The following MAP3K1 variants were observed in gnomAD, a reference collection of about 807,000 sequenced individuals.
MAP3K1 encodes MAP/ERK kinase kinase 1.
Under a neutral mutation model 144.2 loss-of-function variants are expected in MAP3K1, and 36 were observed. The observed-to-expected ratio is 0.25, with a 90% CI of 0.19 to 0.33. The LOEUF (loss-of-function observed/expected upper bound fraction) is 0.33. MAP3K1 is among the 10% of genes least tolerant of loss of function. MAP3K1 has a pLI of 1.00. For missense variants in MAP3K1, 1,650 were observed against 1,881.9 expected (o/e 0.88, Z 2.28); for synonymous variants, 718 against 688.7 (o/e 1.04, Z -0.67).
intron 1 of MAP3K1, among the ~76,000 whole-genome samples, chr5:56,851,163 C>G (rs1424800294): frequency 6.6e-6 from 1 of 152,166 alleles, no homozygotes; most frequent in Admixed American, 6.5e-5. Flanking sequence ...TCAGGCTGGT[C>G]TCGAACTCCC....
intron 3 of MAP3K1, chr5:56,862,086 TGGGCAGGGCTCAGCAGG>T (rs1747531852): frequency 6.6e-6 from 1 of 152,316 alleles, no homozygotes; most frequent in South Asian, 2.1e-4. Flanking sequence ...ATCTGCAGAT[TGGGCAGGGCTCAGCAGG>T]GGTGGCTTAT....
intron 1 of MAP3K1, among the ~76,000 whole-genome samples, chr5:56,832,976 AT>A (rs1746541751): frequency 6.6e-6 from 1 of 152,176 alleles, no homozygotes; most frequent in African/African-American, 2.4e-5. Context: ...GGTTCAAGTG[AT>A]TCTCCTGCCT....
chr5:56,876,930 C>T (rs780353233), intron 10 of MAP3K1, among the ~76,000 whole-genome samples: 2 of 152,128 alleles, frequency 1.3e-5, no homozygotes, highest in African/African-American at 4.8e-5. Flanking sequence ...GGAAGTTTGG[C>T]AGGGTTGTGA....
chr5:56,859,922 T>TA lies in MAP3K1; in HGVS notation c.834+9dup. On this transcript the variant is annotated splice_region_variant and intron_variant, in intron 3 of 19. Transcript: ENST00000399503. ...AAGAGTTTCCCCAGTGCCTGTAAGT[T>TA]AATGTTACAACAAATATGTTAGTTT... 6.3e-7 allele frequency: 1 copy of TA among 1,598,586 alleles called. No individual in the cohort carries two copies. The highest frequency in any genetic ancestry group is 8.6e-7 in the Non-Finnish European group (1 of 1,168,594).
At chr5:56,834,553 C>CA (rs1232088210) in intron 1 of MAP3K1, among the ~76,000 whole-genome samples, 6 of 152,110 alleles carry the variant, frequency 3.9e-5, no homozygotes, top group African/African-American at 1.4e-4. Flanking sequence ...CTGTACTGTA[C>CA]AAAAAATTAG....
intron 1 of MAP3K1, among the ~76,000 whole-genome samples, chr5:56,828,280 T>TA (rs1406803037): frequency 9.9e-5 from 15 of 152,218 alleles, no homozygotes; most frequent in African/African-American, 3.6e-4. Context: ...CTCCTCAGGG[T>TA]TCTTATCTCT....
chr5:56,830,978 G>C (rs578180632), intron 1 of MAP3K1, among the ~76,000 whole-genome samples: 2 of 151,346 alleles, frequency 1.3e-5, no homozygotes, highest in African/African-American at 4.9e-5. Flanking sequence ...GTAACAGCAC[G>C]TAAATGTTTT....
chr5:56,892,177 C>T (rs1049172093), intron 19 of MAP3K1, among the ~76,000 whole-genome samples: 5 of 152,178 alleles, frequency 3.3e-5, no homozygotes, highest in African/African-American at 1.2e-4. Flanking sequence ...ATGGAATGTT[C>T]TTCCATTTGT....
At chr5:56,837,134 C>T (rs1397697495) in intron 1 of MAP3K1, among the ~76,000 whole-genome samples, 1 of 151,610 alleles carries the variant, frequency 6.6e-6, no homozygotes, top group Non-Finnish European at 1.5e-5. Flanking sequence ...TCACTGACCC[C>T]CTGAGCTAGT....
At chr5:56,845,676 A>G (rs948465864) in intron 1 of MAP3K1, among the ~76,000 whole-genome samples, 3 of 152,086 alleles carry the variant, frequency 2.0e-5, no homozygotes, top group African/African-American at 7.3e-5. Context: ...TTACTTACTG[A>G]TCTGTGTTCA....
At chr5:56,888,603 T>TA (rs1748453412) in intron 19 of MAP3K1, among the ~76,000 whole-genome samples, 1 of 152,232 alleles carries the variant, frequency 6.6e-6, no homozygotes, top group Non-Finnish European at 1.5e-5. Context: ...TGTGCTATGA[T>TA]ACACTGGTGA....
chr5:56,853,071 G>A (rs777011588), intron 1 of MAP3K1, among the ~76,000 whole-genome samples: 9 of 152,040 alleles, frequency 5.9e-5, no homozygotes, highest in Non-Finnish European at 1.2e-4. Context: ...TGATTTATTC[G>A]TGGCAAATAC....
chr5:56,867,840 A>C (rs999001288), intron 6 of MAP3K1, among the ~76,000 whole-genome samples: 3 of 152,220 alleles, frequency 2.0e-5, no homozygotes, highest in Admixed American at 2.0e-4. Flanking sequence ...GAAAAAGTAG[A>C]AACAGTTTAA....
intron 6 of MAP3K1, among the ~76,000 whole-genome samples, chr5:56,868,900 C>CG (rs1159387319): frequency 1.3e-5 from 2 of 152,006 alleles, no homozygotes; most frequent in African/African-American, 2.4e-5. Context: ...AGGAAGTGTG[C>CG]TACAACATGG....
intron 1 of MAP3K1, among the ~76,000 whole-genome samples, chr5:56,843,985 A>T (rs543031063): frequency 6.6e-6 from 1 of 152,124 alleles, no homozygotes; most frequent in Non-Finnish European, 1.5e-5. Context: ...TGCTCTGCAT[A>T]AAAGGACTTC....
chr5:56,852,604 A>T (rs970229394), intron 1 of MAP3K1, among the ~76,000 whole-genome samples: 3 of 152,166 alleles, frequency 2.0e-5, no homozygotes, highest in African/African-American at 7.2e-5. Flanking sequence ...CCACAATTTT[A>T]TTTATTTTTA....
At chr5:56,820,510 A>T in intron 1 of MAP3K1, 32 of 984,330 alleles carry the variant, frequency 3.3e-5, no homozygotes, top group Non-Finnish European at 3.7e-5. Flanking sequence ...GGCCTTGTAT[A>T]TGTAATACAA....
intron 2 of MAP3K1, among the ~76,000 whole-genome samples, chr5:56,858,041 A>G (rs1038326994): frequency 6.6e-6 from 1 of 152,196 alleles, no homozygotes; most frequent in Non-Finnish European, 1.5e-5. Context: ...CATTTTAGCT[A>G]TTCGTGCCAG....
intron 3 of MAP3K1, among the ~76,000 whole-genome samples, chr5:56,862,613 T>G (rs747840983): frequency 1.8e-4 from 27 of 152,234 alleles, no homozygotes; most frequent in Non-Finnish European, 4.4e-5. Flanking sequence ...AATGAACATT[T>G]ATAATCTTTT....
Sources: gnomAD v4.1 joint callset for allele counts (sites outside exome capture counted in the v4.1 genomes callset) on GRCh38, gnomAD v4.1.1 for gene constraint, MANE v1.5 for transcripts, NCBI Gene and HGNC (gene_info 2026-07-23, HGNC 2026-07-21) for gene names.